The following MELK variants were observed in gnomAD, a reference collection of about 807,000 sequenced individuals.
MELK encodes the protein pEg3 kinase.
MELK carries 81 observed loss-of-function variants against 85.0 expected under a neutral mutation model. That is an observed-to-expected ratio of 0.95 (90% confidence interval 0.80 to 1.15). MELK has a LOEUF of 1.15. Ranked by LOEUF, MELK falls within the 50% of genes most tolerant of loss-of-function variation. MELK has a pLI of 0.00. For synonymous variants in MELK, 252 were observed against 265.0 expected, an observed-to-expected ratio of 0.95 and a Z score of 0.48; for missense variants, 754 against 777.5, an observed-to-expected ratio of 0.97 and a Z score of 0.36.
At chr9:36,626,848 A>G (rs1827976159) in intron 8 of MELK, among the ~76,000 whole-genome samples, 2 of 151,516 alleles carry the variant, frequency 1.3e-5, no homozygotes, top group Admixed American at 1.3e-4. Context: ...AATCCCAGCT[A>G]CTCTGCAGGC....
At chr9:36,666,937 G>A (rs1405305905) in intron 14 of MELK, among the ~76,000 whole-genome samples, 1 of 149,546 alleles carries the variant, frequency 6.7e-6, no homozygotes, top group Admixed American at 6.7e-5. Context: ...GTGCGGTGGC[G>A]CTGCCTGTGG....
chr9:36,650,525 C>G (rs1830609342), intron 11 of MELK, among the ~76,000 whole-genome samples: 2 of 152,190 alleles, frequency 1.3e-5, no homozygotes, highest in South Asian at 4.1e-4. Context: ...GAAGAGTATA[C>G]TACCATCAAA....
At chr9:36,672,115 G>A (rs972984947) in intron 16 of MELK, among the ~76,000 whole-genome samples, 1 of 152,166 alleles carries the variant, frequency 6.6e-6, no homozygotes, top group African/African-American at 2.4e-5. Flanking sequence ...CTTTTGGGCA[G>A]AAGGGTGTTT....
intron 11 of MELK, among the ~76,000 whole-genome samples, chr9:36,643,309 G>A (rs1829931577): frequency 6.6e-6 from 1 of 151,998 alleles, no homozygotes; most frequent in African/African-American, 2.4e-5. Context: ...CTTGAACCCG[G>A]GAGGCAGAGG....
chr9:36,623,546 G>A (rs1299436257), intron 8 of MELK, among the ~76,000 whole-genome samples: 1 of 152,214 alleles, frequency 6.6e-6, no homozygotes, highest in Non-Finnish European at 1.5e-5. Flanking sequence ...TGCCCAAATA[G>A]GGGAATTGGA....
intron 10 of MELK, among the ~76,000 whole-genome samples, chr9:36,634,598 T>G (rs1828937605): frequency 6.6e-6 from 1 of 152,072 alleles, no homozygotes; most frequent in Non-Finnish European, 1.5e-5. Context: ...TCCCAGGTTC[T>G]CAGGAGGCTG....
At chr9:36,640,582 G>A (rs1364256812) in intron 10 of MELK, among the ~76,000 whole-genome samples, 1 of 152,138 alleles carries the variant, frequency 6.6e-6, no homozygotes, top group Non-Finnish European at 1.5e-5. Context: ...GAGTAGCTAG[G>A]ACTACGCATG....
At chr9:36,591,549 G>C (rs1327964305) in intron 4 of MELK, among the ~76,000 whole-genome samples, 3 of 151,716 alleles carry the variant, frequency 2.0e-5, no homozygotes, top group Non-Finnish European at 2.9e-5. Flanking sequence ...ACTCCAGCCT[G>C]GGTGACAGAG....
chr9:36,665,707 T>A, intron 14 of MELK, 126 bp downstream of exon 14: 1 of 644,404 alleles, frequency 1.6e-6, no homozygotes, highest in Non-Finnish European at 2.6e-6. Context: ...AGCTGTTTTT[T>A]ATCATGTCAT....
intron 10 of MELK, among the ~76,000 whole-genome samples, chr9:36,634,149 A>G (rs185027180): frequency 6.6e-6 from 1 of 152,382 alleles, no homozygotes; most frequent in Admixed American, 6.5e-5. Flanking sequence ...ACAACATTAA[A>G]TCACATTCCT....
At chr9:36,584,608 C>T (rs577209353) in intron 3 of MELK, among the ~76,000 whole-genome samples, 3 of 151,052 alleles carry the variant, frequency 2.0e-5, no homozygotes, top group South Asian at 4.2e-4. Context: ...GCTGGGATTA[C>T]AGGCGTGAGG....
chr9:36,621,275 GAAAAA>G lies in MELK; in HGVS notation c.667-8986_667-8982del, dbSNP rs74181196. On this transcript the variant is annotated intron_variant, in intron 8 of 17. Coordinates refer to ENST00000298048, the MANE Select transcript of MELK (RefSeq NM_014791.4). ...TGACAGAGTGAGACTCTGTCTCAGG[GAAAAA>G]AAAAAAAAAAAAAAAAAAAAAAAAA... Among the ~76,000 whole-genome samples, 283 of 32,214 alleles carry G rather than the reference GAAAAA, an allele frequency of 8.8e-3. 1 individual carries two copies. Among genetic ancestry groups the G allele is most frequent in the Non-Finnish European group, 0.015 (166 of 11,098 alleles). 21.1% of individuals were successfully genotyped at this position (32,214 alleles called of 152,430 possible). A position where few individuals can be genotyped will look rare whatever the true frequency, so the allele number is the denominator to read the frequency against.
At chr9:36,652,381 A>G (rs10973012) in intron 12 of MELK, among the ~76,000 whole-genome samples, 117,054 of 151,202 alleles carry the variant, frequency 0.77, 47,718 homozygotes, top group Non-Finnish European at 0.9. Context: ...GCATTTTACA[A>G]ACCTCCTCCC....
In MELK at chr9:36,677,291, T is replaced by C; in HGVS notation, c.1910T>C (p.Val637Ala). The change falls in exon 18 of 18, where the codon GTT becomes GCT. Residue 637 changes from valine to alanine, a missense_variant. Physicochemically the swap from Val to Ala is moderately conservative, Grantham distance 64. Coordinates refer to ENST00000298048, the MANE Select transcript of MELK (RefSeq NM_014791.4). ...CAGCGGCTTAAGGGCGATGCCTGGG[T>C]TTACAAAAGATTAGTGGAAGACATC... is the stretch of plus-strand genomic sequence containing the variant. Reference protein sequence around the residue: ...RRQRLKGDAWVYKRLVEDILS... With the variant: ...RRQRLKGDAWAYKRLVEDILS... 6.2e-7 allele frequency: 1 copy of C among 1,613,914 alleles called. No individual in the cohort carries two copies. The highest frequency in any genetic ancestry group is 2.2e-5 in the East Asian group (1 of 44,882).
chr9:36,628,892 C>T (rs193092341), intron 8 of MELK, among the ~76,000 whole-genome samples: 1 of 126,458 alleles, frequency 7.9e-6, no homozygotes, highest in Non-Finnish European at 1.6e-5. Context: ...GAGACGGAGT[C>T]TCGTTCTGTC....
intron 13 of MELK, among the ~76,000 whole-genome samples, chr9:36,658,264 C>T (rs1831451320): frequency 6.6e-6 from 1 of 152,052 alleles, no homozygotes; most frequent in African/African-American, 2.4e-5. Flanking sequence ...TGGTACTCCC[C>T]TTCCATGTAT....
At chr9:36,645,982 G>T (rs1830183628) in intron 11 of MELK, among the ~76,000 whole-genome samples, 1 of 152,196 alleles carries the variant, frequency 6.6e-6, no homozygotes, top group Admixed American at 6.5e-5. Context: ...TCTCAACCAG[G>T]AGTGATTTTG....
At position 36,665,744 on chromosome 9, in the gene MELK, T is replaced by G. The variant is rs1832277992; in HGVS notation, c.1408+163T>G. Among the ~76,000 whole-genome samples, 4 of 152,246 alleles carry G rather than the reference T, an allele frequency of 2.6e-5. No homozygotes were observed. The South Asian group carries it at 8.3e-4, about 32-fold the overall frequency. ...TGCATTAGTTAAAATGAAAGCATAT[T>G]TGTCAATTTCAATTTATTCTCAAAT... On this transcript the variant is annotated intron_variant, in intron 14 of 17. Transcript: ENST00000298048.
chr9:36,669,249 T>C (rs1832666654), intron 14 of MELK, 61 bp from the exon 15 acceptor site: 5 of 1,079,932 alleles, frequency 4.6e-6, no homozygotes, highest in Non-Finnish European at 6.7e-6. Flanking sequence ...TTATTAATAA[T>C]AGAAATTTCA....
Sources: gnomAD v4.1 joint callset for allele counts (sites outside exome capture counted in the v4.1 genomes callset) on GRCh38, gnomAD v4.1.1 for gene constraint, MANE v1.5 for transcripts, NCBI Gene and HGNC (gene_info 2026-07-23, HGNC 2026-07-21) for gene names.